ATP13A5: variants seen among roughly 807,000 people sequenced by gnomAD.
ATP13A5 encodes probable cation-transporting ATPase 13A5.
A neutral mutation model predicts 150.2 loss-of-function variants in ATP13A5; 149 were observed. The observed-to-expected ratio is 0.99, with a 90% CI of 0.87 to 1.14. The LOEUF is 1.14. Ranked by LOEUF, ATP13A5 falls within the 50% of genes most tolerant of loss-of-function variation. The pLI, the probability that ATP13A5 is intolerant of heterozygous loss-of-function variation, is 0.00. For synonymous variants in ATP13A5, 497 were observed against 522.2 expected, an observed-to-expected ratio of 0.95 and a Z score of 0.66; for missense variants, 1,383 against 1,449.3, an observed-to-expected ratio of 0.95 and a Z score of 0.74.
At chr3:193,282,477 C>T (rs893923677) in intron 27 of ATP13A5, among the ~76,000 whole-genome samples, 1 of 152,002 alleles carries the variant, frequency 6.6e-6, no homozygotes, top group Middle Eastern at 3.4e-3. Flanking sequence ...TGGGTTCAAG[C>T]AATTCTCCCT....
chr3:193,310,389 T>C (rs1001787490), intron 21 of ATP13A5, among the ~76,000 whole-genome samples: 1 of 152,216 alleles, frequency 6.6e-6, no homozygotes, highest in Non-Finnish European at 1.5e-5. Flanking sequence ...ATAGCCAGCA[T>C]TGGGGTTGCT....
intron 15 of ATP13A5, among the ~76,000 whole-genome samples, chr3:193,322,242 C>T (rs143962426): frequency 1.1e-3 from 161 of 152,288 alleles, no homozygotes; most frequent in African/African-American, 3.5e-3. Flanking sequence ...TTCCTCCAAC[C>T]CAGAGCCAAG....
At chr3:193,345,146 T>C in intron 7 of ATP13A5, 71 bp from the exon 8 acceptor site, 2 of 1,391,286 alleles carry the variant, frequency 1.4e-6, no homozygotes, top group East Asian at 2.3e-5. Context: ...CTCATTACAG[T>C]AAATACCAGG....
intron 2 of ATP13A5, 111 bp from the exon 3 acceptor site, chr3:193,363,493 G>A (rs2108902162): frequency 1.0e-6 from 1 of 966,318 alleles, no homozygotes; most frequent in Non-Finnish European, 1.5e-6. Flanking sequence ...AAGCGCATCA[G>A]CTTTATCTCA....
chr3:193,274,893 C>G lies in ATP13A5; in HGVS notation c.*149G>C. On this transcript the variant is annotated 3_prime_UTR_variant, in exon 30 of 30. Transcript: ENST00000342358. ...GTCAGAATAAGCCTATCTAAGGTCC[C>G]TTGCTGCAAGGTTTAATTCATTGAA... The G allele has an allele frequency of 2.6e-6, 3 of 1,169,582 alleles. No homozygotes were observed. The highest frequency in any genetic ancestry group is 3.6e-6 in the Non-Finnish European group (3 of 823,502). 72.5% of individuals were successfully genotyped at this position (1,169,582 alleles called of 1,614,324 possible). A position where few individuals can be genotyped will look rare whatever the true frequency, so the allele number is the denominator to read the frequency against.
chr3:193,362,159 G>C (rs533630215), intron 5 of ATP13A5, among the ~76,000 whole-genome samples: 34 of 152,328 alleles, frequency 2.2e-4, no homozygotes, highest in Admixed American at 1.6e-3. Context: ...ACAAGCCTGA[G>C]ATAAAAGATC....
chr3:193,376,043 G>T (rs903664974), intron 1 of ATP13A5, among the ~76,000 whole-genome samples: 11 of 152,102 alleles, frequency 7.2e-5, no homozygotes, highest in African/African-American at 2.7e-4. Context: ...AGTGGGGCGA[G>T]GCTGTCAACA....
intron 2 of ATP13A5, 148 bp downstream of exon 2, chr3:193,363,959 G>A (rs4234630): frequency 0.95 from 813,513 of 859,866 alleles, 384,951 homozygotes; most frequent in East Asian, 0.97. Context: ...TAATTTTGCC[G>A]TATTTTCTCC....
intron 5 of ATP13A5, among the ~76,000 whole-genome samples, chr3:193,360,655 G>A (rs1712968588): frequency 1.3e-5 from 2 of 152,076 alleles, no homozygotes. Context: ...TTGCTTATTA[G>A]ATTGTCAAGT....
chr3:193,330,195 G>A (rs74723115), intron 12 of ATP13A5, among the ~76,000 whole-genome samples: 22,824 of 152,078 alleles, frequency 0.15, 2,012 homozygotes, highest in East Asian at 0.25. Context: ...GCCTCCAACC[G>A]TGGCAGGTAA....
chr3:193,320,436 G>T (rs1186423394), intron 16 of ATP13A5, among the ~76,000 whole-genome samples: 1 of 152,226 alleles, frequency 6.6e-6, no homozygotes, highest in Non-Finnish European at 1.5e-5. Flanking sequence ...AACTGAAAGA[G>T]CTGCCAGGAA....
At chr3:193,370,357 C>T (rs1250651798) in intron 1 of ATP13A5, among the ~76,000 whole-genome samples, 2 of 152,218 alleles carry the variant, frequency 1.3e-5, no homozygotes, top group South Asian at 4.1e-4. Context: ...GAAGCTCTCA[C>T]TTCTGCCCTT....
At chr3:193,323,620 A>G (rs184416791) in intron 14 of ATP13A5, 4 of 152,368 alleles carry the variant, frequency 2.6e-5, no homozygotes, top group Admixed American at 1.3e-4. Flanking sequence ...GTTTATCCCA[A>G]TGATTCTGTT....
At chr3:193,326,824 C>T (rs1382694332) in intron 13 of ATP13A5, among the ~76,000 whole-genome samples, 172 bp downstream of exon 13, 1 of 152,168 alleles carries the variant, frequency 6.6e-6, no homozygotes, top group Non-Finnish European at 1.5e-5. Context: ...TTTCCTTTCT[C>T]ATTCTGAAAT....
intron 9 of ATP13A5, among the ~76,000 whole-genome samples, 158 bp downstream of exon 9, chr3:193,343,769 T>C (rs2108884709): frequency 6.6e-6 from 1 of 152,312 alleles, no homozygotes; most frequent in East Asian, 1.9e-4. Context: ...CATTTCCTGT[T>C]TGTGTATATT....
chr3:193,342,099 G>T (rs1712151933), intron 9 of ATP13A5, among the ~76,000 whole-genome samples: 1 of 152,104 alleles, frequency 6.6e-6, no homozygotes, highest in Admixed American at 6.5e-5. Flanking sequence ...TATTCTAACA[G>T]CTCCTAGTCT....
chr3:193,304,031 T>C (rs1718515053), intron 23 of ATP13A5, among the ~76,000 whole-genome samples: 1 of 151,966 alleles, frequency 6.6e-6, no homozygotes, highest in African/African-American at 2.4e-5. Flanking sequence ...ATGGAAAGCA[T>C]AAAATAAGGC....
intron 1 of ATP13A5, among the ~76,000 whole-genome samples, chr3:193,374,578 G>C (rs954012422): frequency 1.3e-5 from 2 of 150,208 alleles, no homozygotes; most frequent in African/African-American, 4.9e-5. Context: ...CTGGGAGATT[G>C]AGGCTGCAGT....
At chr3:193,289,818 G>A in intron 26 of ATP13A5, 67 bp downstream of exon 26, 1 of 1,447,440 alleles carries the variant, frequency 6.9e-7, no homozygotes, top group East Asian at 2.4e-5. Context: ...TTCAAGCCAA[G>A]TTATGCAATG....
Sources: allele counts gnomAD v4.1 joint callset (sites outside exome capture counted in the v4.1 genomes callset), GRCh38; gene constraint gnomAD v4.1.1; transcripts MANE v1.5; gene names NCBI Gene and HGNC (gene_info 2026-07-23, HGNC 2026-07-21).